The following SYN3 variants were observed in gnomAD, a reference collection of about 807,000 sequenced individuals.
The protein encoded by SYN3 is synapsin-3.
SYN3 carries 35 observed loss-of-function variants against 65.8 expected under a neutral mutation model. That is an observed-to-expected ratio of 0.53 (90% CI 0.41 to 0.70). The LOEUF (loss-of-function observed/expected upper bound fraction) is 0.70, where lower values mean the gene tolerates loss of function less well. Among genes scored for constraint, SYN3 ranks in the 30% least tolerant of loss-of-function variants. The probability of loss-of-function intolerance (pLI) is 0.00; values close to 1 mark genes in which losing one functional copy is unlikely to be tolerated. For synonymous variants in SYN3, 270 were observed against 292.9 expected (o/e 0.92, Z 0.80); for missense variants, 680 against 749.0 (o/e 0.91, Z 1.08).
At chr22:32,996,034 G>A (rs897962779) in intron 2 of SYN3, among the ~76,000 whole-genome samples, 34 of 152,066 alleles carry the variant, frequency 2.2e-4, no homozygotes, top group African/African-American at 8.2e-4. Flanking sequence ...GAAATAACAT[G>A]CAAGTATCAG....
intron 6 of SYN3, among the ~76,000 whole-genome samples, chr22:32,724,161 C>A (rs974997534): frequency 6.6e-6 from 1 of 152,242 alleles, no homozygotes; most frequent in Non-Finnish European, 1.5e-5. Context: ...GACTTTCTAG[C>A]ACCTAAGCCA....
At chr22:32,891,774 C>T (rs965904987) in intron 4 of SYN3, among the ~76,000 whole-genome samples, 2 of 151,988 alleles carry the variant, frequency 1.3e-5, no homozygotes, top group African/African-American at 4.8e-5. Context: ...TCATTCAGCC[C>T]CCTTTTCCTG....
intron 1 of SYN3, among the ~76,000 whole-genome samples, chr22:33,056,963 A>G (rs2054264362): frequency 6.6e-6 from 1 of 152,220 alleles, no homozygotes; most frequent in East Asian, 1.9e-4. Flanking sequence ...CAGAGGCCTG[A>G]TGACAAGACT....
intron 13 of SYN3, among the ~76,000 whole-genome samples, chr22:32,515,936 C>T (rs552627648): frequency 7.2e-4 from 110 of 152,202 alleles, no homozygotes; most frequent in Non-Finnish European, 1.1e-3. Context: ...GCAGCTGGGA[C>T]TACAGGCGCA....
intron 2 of SYN3, among the ~76,000 whole-genome samples, chr22:33,002,410 G>A (rs929013792): frequency 2.6e-5 from 4 of 152,130 alleles, no homozygotes; most frequent in African/African-American, 7.2e-5. Context: ...TTGGGAGGCC[G>A]AGGTGGGCAG....
At chr22:32,565,831 C>T (rs1450169793) in intron 7 of SYN3, among the ~76,000 whole-genome samples, 1 of 151,598 alleles carries the variant, frequency 6.6e-6, no homozygotes, top group Non-Finnish European at 1.5e-5. Flanking sequence ...CTTGCCTCAG[C>T]CCCCCCGAGT....
chr22:32,551,292 G>C (rs1415888850), intron 7 of SYN3, among the ~76,000 whole-genome samples: 1 of 152,124 alleles, frequency 6.6e-6, no homozygotes, highest in Non-Finnish European at 1.5e-5. Flanking sequence ...TCTCAACAGA[G>C]AGACTTGCCA....
At chr22:32,959,495 G>A (rs551921693) in intron 3 of SYN3, among the ~76,000 whole-genome samples, 12 of 151,948 alleles carry the variant, frequency 7.9e-5, no homozygotes, top group South Asian at 4.2e-4. Flanking sequence ...AGGTTGCAGT[G>A]AGCCAAGATT....
At chr22:32,931,137 C>T (rs2050615889) in intron 4 of SYN3, 2 of 396,736 alleles carry the variant, frequency 5.0e-6, no homozygotes, top group African/African-American at 4.0e-5. Context: ...AGAGCAGAGC[C>T]TCAAAGCCAG....
rs530143903 is a variant in SYN3, at chr22:32,781,941, G to A, written c.711+82974C>T. Among the ~76,000 whole-genome samples, 30 of 151,896 alleles carry A rather than the reference G, an allele frequency of 2.0e-4. No individual in the cohort carries two copies. The South Asian group carries it at 4.6e-3, about 23-fold the overall frequency. The stretch of plus-strand genomic sequence containing the variant: ...AGCAATGTCAAAGATTTCTTATTTC[G>A]CAATGAAGTTTTCCTTCCATGTGTT... On this transcript the variant is annotated intron_variant, in intron 6 of 13. Coordinates refer to ENST00000358763, the MANE Select transcript of SYN3 (RefSeq NM_003490.4).
At chr22:32,839,746 T>A (rs145316380) in intron 6 of SYN3, among the ~76,000 whole-genome samples, 17 of 152,332 alleles carry the variant, frequency 1.1e-4, no homozygotes, top group African/African-American at 3.8e-4. Flanking sequence ...TGTGTAAAAC[T>A]GAGGTTGCCC....
At chr22:32,579,511 C>A (rs1440501348) in intron 7 of SYN3, among the ~76,000 whole-genome samples, 1 of 152,216 alleles carries the variant, frequency 6.6e-6, no homozygotes, top group Non-Finnish European at 1.5e-5. Flanking sequence ...ATGACTTAAT[C>A]ACTTCCCAGA....
At chr22:32,915,726 T>G (rs241887) in intron 4 of SYN3, among the ~76,000 whole-genome samples, 34,935 of 152,088 alleles carry the variant, frequency 0.23, 4,182 homozygotes, top group South Asian at 0.41. Context: ...GCCTAGATCA[T>G]ATGAGGTTTT....
At chr22:33,042,639 C>A (rs2053985207) in intron 1 of SYN3, among the ~76,000 whole-genome samples, 1 of 152,178 alleles carries the variant, frequency 6.6e-6, no homozygotes, top group South Asian at 2.1e-4. Flanking sequence ...CTGGGTCCCA[C>A]CTGCTCCTGT....
At chr22:32,933,597 T>TTTTG (rs926378026) in intron 3 of SYN3, among the ~76,000 whole-genome samples, 2 of 151,994 alleles carry the variant, frequency 1.3e-5, no homozygotes, top group Admixed American at 6.6e-5. Flanking sequence ...CCCAGCTAAT[T>TTTTG]TTTGTTTGTT....
In SYN3 at chr22:32,508,264, C is replaced by T. The variant is rs1056528007; in HGVS notation, c.*5428G>A. Among the ~76,000 whole-genome samples the T allele has an allele frequency of 1.3e-5, 2 of 152,170 alleles. No homozygotes were observed. The highest frequency in any genetic ancestry group is 2.9e-5 in the Non-Finnish European group (2 of 68,032). On this transcript the variant is annotated 3_prime_UTR_variant, in exon 14 of 14. Coordinates refer to ENST00000358763, the MANE Select transcript of SYN3 (RefSeq NM_003490.4). The stretch of plus-strand genomic sequence containing the variant: ...AGTGATTAACCCTGTAAATTTCCTT[C>T]TTCTGGCTCAGAAGCTCCCGCACTG...
intron 1 of SYN3, among the ~76,000 whole-genome samples, chr22:33,041,446 C>T (rs958003847): frequency 2.6e-5 from 4 of 151,970 alleles, no homozygotes; most frequent in African/African-American, 7.2e-5. Context: ...GGGTGCCCGC[C>T]ACCACACCCA....
chr22:32,623,778 A>AT (rs2059627764), intron 6 of SYN3, among the ~76,000 whole-genome samples: 1 of 152,160 alleles, frequency 6.6e-6, no homozygotes, highest in Admixed American at 6.5e-5. Context: ...AACTGATGGC[A>AT]TTTTTCTAAT....
intron 6 of SYN3, among the ~76,000 whole-genome samples, chr22:32,838,722 C>A (rs543422142): frequency 6.0e-4 from 91 of 152,112 alleles, no homozygotes; most frequent in Admixed American, 1.6e-3. Context: ...GGACTCCTGA[C>A]CCAGCACTCC....
Sources: gnomAD v4.1 joint callset for allele counts (sites outside exome capture counted in the v4.1 genomes callset) on GRCh38, gnomAD v4.1.1 for gene constraint, MANE v1.5 for transcripts, NCBI Gene and HGNC (gene_info 2026-07-23, HGNC 2026-07-21) for gene names.